BCAS4: variants seen among roughly 807,000 people sequenced by gnomAD.
BCAS4 encodes the protein breast carcinoma-amplified sequence 4.
In BCAS4, 9 loss-of-function variants were observed where a neutral mutation model predicts 15.7. The observed-to-expected ratio is 0.57, with a 90% CI of 0.34 to 1.00. BCAS4 has a LOEUF of 1.00. BCAS4 is among the 50% of genes least tolerant of loss of function. BCAS4 has a pLI of 0.02. For synonymous variants in BCAS4, 101 were observed against 99.5 expected (o/e 1.02, Z -0.09); for missense variants, 225 against 239.1 (o/e 0.94, Z 0.39).
At chr20:50,796,748 C>T (rs2087870137) in intron 1 of BCAS4, among the ~76,000 whole-genome samples, 1 of 151,668 alleles carries the variant, frequency 6.6e-6, no homozygotes, top group Non-Finnish European at 1.5e-5. Context: ...CCCTCCTCGG[C>T]CTCCCAAAGT....
rs1168000614 is a variant in BCAS4, at chr20:50,876,610, C to T, written c.*2C>T. The T allele has an allele frequency of 4.3e-6, 7 of 1,613,808 alleles. No homozygotes were observed. The highest frequency in any genetic ancestry group is 5.9e-6 in the Non-Finnish European group (7 of 1,179,872). ...CGCACCTGCCCTCGGCCTTTGTGAG[C>T]TTTGTGGTCTTCCCATCAGGAACGC... On this transcript the variant is annotated 3_prime_UTR_variant, in exon 5 of 5. Coordinates refer to ENST00000371608, the MANE Select transcript of BCAS4 (RefSeq NM_198799.4).
chr20:50,837,614 C>T (rs548665711), intron 3 of BCAS4, among the ~76,000 whole-genome samples: 10 of 152,348 alleles, frequency 6.6e-5, no homozygotes, highest in Admixed American at 5.9e-4. Flanking sequence ...CCCTCTCGCT[C>T]ACCTGCAGCC....
At chr20:50,832,439 G>T (rs138963238) in intron 3 of BCAS4, among the ~76,000 whole-genome samples, 2 of 151,676 alleles carry the variant, frequency 1.3e-5, no homozygotes, top group Non-Finnish European at 2.9e-5. Flanking sequence ...TGTATTTTTC[G>T]TAGAGACAGG....
chr20:50,854,111 A>G (rs1260394802), intron 4 of BCAS4, among the ~76,000 whole-genome samples: 1 of 152,176 alleles, frequency 6.6e-6, no homozygotes, highest in East Asian at 1.9e-4. Context: ...TAAATATGAA[A>G]AAGTTTCCTT....
Position 50,795,127 on chromosome 20 carries a change from G to A in BCAS4, c.44G>A (p.Gly15Glu), listed in dbSNP as rs1569012108. ...GATCAGCCGGAGCCCATGCGCAGCGGGGCGCGCGAGCTCGCGCTCTTCCTG... is the reference window on the plus strand; with the variant it reads ...GATCAGCCGGAGCCCATGCGCAGCGAGGCGCGCGAGCTCGCGCTCTTCCTG... ...DADQPEPMRSGARELALFLTP... is the reference protein window; with the variant it reads ...DADQPEPMRSEARELALFLTP... Residue 15 changes from glycine (G) to glutamate (E), a missense_variant, in exon 1 of 5, where the codon GGG becomes GAG. By Grantham distance (98) the Gly-to-Glu change is moderately conservative. Transcript: ENST00000371608. The A allele has an allele frequency of 6.7e-7, 1 of 1,484,114 alleles. No homozygotes were observed. The highest frequency in any genetic ancestry group is 9.0e-7 in the Non-Finnish European group (1 of 1,115,134). 91.9% of individuals were successfully genotyped at this position (1,484,114 alleles called of 1,614,324 possible).
downstream of BCAS4, chr20:50,880,613 G>C (rs987201155): frequency 1.3e-5 from 2 of 152,184 alleles, no homozygotes; most frequent in African/African-American, 4.8e-5. Context: ...AGCCACCGAG[G>C]CCTGCCAGTC....
chr20:50,812,399 A>G lies in BCAS4; in HGVS notation c.91-5812A>G, dbSNP rs370309529. Among the ~76,000 whole-genome samples the G allele has an allele frequency of 2.9e-3, 428 of 146,172 alleles. 2 individuals carry two copies. The highest frequency in any genetic ancestry group is 0.014 in the South Asian group (64 of 4,614). ...CCGCCCCCCCTTGGCCTCCCAAAGT[A>G]CTGGGATTACAGGCGTGAGCTACTG... On this transcript the variant is annotated intron_variant, in intron 1 of 4. Coordinates refer to ENST00000371608, the MANE Select transcript of BCAS4 (RefSeq NM_198799.4).
chr20:50,837,986 A>G (rs1037623329), intron 3 of BCAS4, among the ~76,000 whole-genome samples: 6 of 132,420 alleles, frequency 4.5e-5, no homozygotes, highest in Non-Finnish European at 9.4e-5. Context: ...ACACACACGC[A>G]CACATCTGCA....
intron 1 of BCAS4, among the ~76,000 whole-genome samples, chr20:50,799,989 A>G (rs2087908670): frequency 6.6e-6 from 1 of 152,196 alleles, no homozygotes; most frequent in Non-Finnish European, 1.5e-5. Context: ...TGGAGGTTGC[A>G]GTGAGCTGAG....
chr20:50,865,632 C>T (rs1253674068), intron 4 of BCAS4, among the ~76,000 whole-genome samples: 1 of 152,222 alleles, frequency 6.6e-6, no homozygotes, highest in Non-Finnish European at 1.5e-5. Flanking sequence ...CACCGGCTGC[C>T]AGCTCCAGCA....
intron 1 of BCAS4, among the ~76,000 whole-genome samples, chr20:50,800,851 C>T (rs556109860): frequency 2.0e-5 from 3 of 152,150 alleles, no homozygotes; most frequent in East Asian, 3.9e-4. Context: ...CATGAGCCAC[C>T]GCGCCTGGCG....
At chr20:50,810,589 G>GTTTT (rs11316235) in intron 1 of BCAS4, among the ~76,000 whole-genome samples, 1 of 136,028 alleles carries the variant, frequency 7.4e-6, no homozygotes. Context: ...TTTTTTTTGT[G>GTTTT]TTTTTTTTTT....
chr20:50,866,460 G>A (rs1241348510), intron 4 of BCAS4, among the ~76,000 whole-genome samples: 1 of 152,260 alleles, frequency 6.6e-6, no homozygotes, highest in Non-Finnish European at 1.5e-5. Flanking sequence ...CACCCTGCAG[G>A]AATGTGGGCC....
At chr20:50,848,181 A>G (rs2088570670) in intron 4 of BCAS4, among the ~76,000 whole-genome samples, 2 of 152,150 alleles carry the variant, frequency 1.3e-5, no homozygotes, top group Admixed American at 6.5e-5. Context: ...GCTTGAGCCC[A>G]GGAGTTCAAG....
In BCAS4 at chr20:50,820,737, A is replaced by AGT. The variant is rs376105521; in HGVS notation, c.162+2464_162+2465dup. Reference sequence around the variant, plus strand: ...ACCATCACAGCTTCCTGTGGTGGGAAGTGTGTGTGTCTGTGTTGCCAGGAG... The same window carrying AGT: ...ACCATCACAGCTTCCTGTGGTGGGAAGTGTGTGTGTGTCTGTGTTGCCAGGAG... On this transcript the variant is annotated intron_variant, in intron 2 of 4. Transcript: ENST00000371608. Among the ~76,000 whole-genome samples, 748 of 152,238 alleles carry AGT rather than the reference A, an allele frequency of 4.9e-3. 6 individuals are homozygous for AGT. Among genetic ancestry groups the AGT allele is most frequent in the African/African-American group, 0.017 (726 of 41,542 alleles).
At chr20:50,801,408 C>T (rs1569015415) in intron 1 of BCAS4, among the ~76,000 whole-genome samples, 1 of 152,062 alleles carries the variant, frequency 6.6e-6, no homozygotes, top group Non-Finnish European at 1.5e-5. Flanking sequence ...GCCTGGGTGA[C>T]AAGAGTGAGA....
intron 4 of BCAS4, among the ~76,000 whole-genome samples, chr20:50,844,550 G>A (rs187322879): frequency 6.6e-6 from 1 of 152,332 alleles, no homozygotes; most frequent in African/African-American, 2.4e-5. Flanking sequence ...AGTGGGTCCT[G>A]CCTGTCATTT....
intron 4 of BCAS4, among the ~76,000 whole-genome samples, chr20:50,860,602 G>A (rs968502425): frequency 6.6e-6 from 1 of 152,216 alleles, no homozygotes; most frequent in Non-Finnish European, 1.5e-5. Flanking sequence ...TGGGCCGGGC[G>A]TGGTGGCTCA....
intron 4 of BCAS4, among the ~76,000 whole-genome samples, chr20:50,855,038 C>G (rs2123827460): frequency 6.6e-6 from 1 of 152,326 alleles, no homozygotes; most frequent in South Asian, 2.1e-4. Flanking sequence ...CATGCTGGGT[C>G]ATGAGGGGTT....
Sources: gnomAD v4.1 joint callset for allele counts (sites outside exome capture counted in the v4.1 genomes callset) on GRCh38, gnomAD v4.1.1 for gene constraint, MANE v1.5 for transcripts, NCBI Gene and HGNC (gene_info 2026-07-23, HGNC 2026-07-21) for gene names.